The following MARCO variants were observed in gnomAD, a reference collection of about 807,000 sequenced individuals.
MARCO encodes the protein macrophage receptor with collagenous structure.
MARCO carries 72 observed loss-of-function variants against 70.0 expected under a neutral mutation model. The ratio of observed to expected loss-of-function variants is 1.03; its 90% CI spans 0.85 to 1.25. MARCO has a LOEUF of 1.25. Ranked by LOEUF, MARCO falls within the 50% of genes most tolerant of loss-of-function variation. The pLI, the probability that MARCO is intolerant of heterozygous loss-of-function variation, is 0.00. For missense variants in MARCO, 696 were observed against 659.3 expected (o/e 1.06, Z -0.61); for synonymous variants, 273 against 243.1 (o/e 1.12, Z -1.14).
intron 1 of MARCO, among the ~76,000 whole-genome samples, chr2:118,956,480 C>G (rs972181374): frequency 9.7e-6 from 1 of 103,358 alleles, no homozygotes; most frequent in South Asian, 4.3e-4. Context: ...CACTGGAGCT[C>G]TCAAATTTAT....
Position 118,969,182 on chromosome 2 carries a change from TG to T in MARCO, c.124del (p.Val42Ter). The T allele has an allele frequency of 6.2e-7, 1 of 1,613,994 alleles. No individual in the cohort carries two copies. The highest frequency in any genetic ancestry group is 8.5e-7 in the Non-Finnish European group (1 of 1,179,894). On this transcript the variant is annotated frameshift_variant, in exon 2 of 17. Transcript: ENST00000327097. LOFTEE classifies it high-confidence loss of function. ...INVPKPKRRN[G>X]VNFSLAVVVI... ...CAGTTCCAAAGCCCAAGAGGAGAAA[TG>T]GGGTGAACTTCTCCCTAGCTGTGGT...
intron 4 of MARCO, among the ~76,000 whole-genome samples, chr2:118,972,257 C>T (rs1032589349): frequency 1.3e-5 from 2 of 152,226 alleles, no homozygotes; most frequent in South Asian, 2.1e-4. Flanking sequence ...TACACACACG[C>T]TTCACTCACA....
At chr2:118,969,764 C>T (rs1026215539) in intron 2 of MARCO, among the ~76,000 whole-genome samples, 2 of 152,204 alleles carry the variant, frequency 1.3e-5, no homozygotes, top group Non-Finnish European at 2.9e-5. Flanking sequence ...CACACGAATG[C>T]TGCTTGCACA....
intron 1 of MARCO, among the ~76,000 whole-genome samples, chr2:118,955,456 G>A (rs1469704383): frequency 6.6e-6 from 1 of 152,046 alleles, no homozygotes; most frequent in Non-Finnish European, 1.5e-5. Flanking sequence ...TGGAATTATG[G>A]TAAACAACCA....
Position 118,979,823 on chromosome 2 carries a change from G to C in MARCO, c.767-1586G>C, listed in dbSNP as rs550151128. On this transcript the variant is annotated intron_variant, in intron 8 of 16. Coordinates refer to ENST00000327097, the MANE Select transcript of MARCO (RefSeq NM_006770.4). ...TGGCTGGGCTGTGCAAACCAAGAGA[G>C]ACCTGACCCCAATAGTGCTGAGATT... Among the ~76,000 whole-genome samples, 16 of 152,306 alleles carry C rather than the reference G, an allele frequency of 1.1e-4. No homozygotes were observed. In the South Asian group the frequency reaches 1.2e-3, roughly 12 times the overall value.
chr2:118,991,584 C>A (rs1680622117), intron 13 of MARCO, among the ~76,000 whole-genome samples, 193 bp from the exon 14 acceptor site: 1 of 152,252 alleles, frequency 6.6e-6, no homozygotes, highest in African/African-American at 2.4e-5. Context: ...CTGTTCTCGA[C>A]AGCATTTACC....
intron 1 of MARCO, among the ~76,000 whole-genome samples, chr2:118,951,975 C>T (rs966364700): frequency 2.0e-5 from 3 of 152,066 alleles, no homozygotes; most frequent in Admixed American, 1.3e-4. Context: ...CAGTTTCTCT[C>T]TCCTCTCTGC....
intron 1 of MARCO, among the ~76,000 whole-genome samples, chr2:118,948,440 T>C (rs949667721): frequency 3.3e-5 from 5 of 152,164 alleles, no homozygotes; most frequent in Admixed American, 1.3e-4. Context: ...CATTTCCAAA[T>C]AAGGAAGGAG....
intron 1 of MARCO, among the ~76,000 whole-genome samples, chr2:118,963,711 CT>C (rs1679991616): frequency 6.6e-6 from 1 of 151,996 alleles, no homozygotes; most frequent in African/African-American, 2.4e-5. Flanking sequence ...TTGTCTATTT[CT>C]TTTTTCAGTT....
chr2:118,982,302 C>A, intron 11 of MARCO, 46 bp from the exon 12 acceptor site: 3 of 1,612,618 alleles, frequency 1.9e-6, no homozygotes, highest in Non-Finnish European at 2.5e-6. Context: ...TGTGTGAAAA[C>A]CTGCCTAGTC....
intron 4 of MARCO, 98 bp from the exon 5 acceptor site, chr2:118,974,235 T>C (rs1297624678): frequency 2.6e-6 from 2 of 769,442 alleles, no homozygotes; most frequent in East Asian, 5.3e-5. Flanking sequence ...CCATGCTCAG[T>C]GAACGTTTGT....
chr2:118,978,311 T>C (rs958634816), intron 8 of MARCO, among the ~76,000 whole-genome samples: 3 of 152,116 alleles, frequency 2.0e-5, no homozygotes, highest in South Asian at 2.1e-4. Context: ...GAATCCCCCA[T>C]TGACTGAGGG....
chr2:118,942,540 A>G (rs556282740), intron 1 of MARCO, 143 bp downstream of exon 1: 320 of 608,574 alleles, frequency 5.3e-4, no homozygotes, highest in Non-Finnish European at 8.3e-4. Flanking sequence ...TACTGTCTGG[A>G]GTGCTTCAAT....
intron 1 of MARCO, among the ~76,000 whole-genome samples, chr2:118,957,911 T>G (rs955736356): frequency 9.9e-5 from 15 of 151,984 alleles, no homozygotes; most frequent in African/African-American, 2.7e-4. Flanking sequence ...ACATGATCAT[T>G]TCAATAGATG....
intron 1 of MARCO, among the ~76,000 whole-genome samples, chr2:118,956,960 C>T (rs1234565200): frequency 6.6e-6 from 1 of 152,034 alleles, no homozygotes; most frequent in African/African-American, 2.4e-5. Context: ...AATAATGACA[C>T]AACCTATCAA....
chr2:118,944,190 C>A (rs1419870587), intron 1 of MARCO, among the ~76,000 whole-genome samples: 1 of 152,054 alleles, frequency 6.6e-6, no homozygotes, highest in Non-Finnish European at 1.5e-5. Flanking sequence ...GAATTTGAGA[C>A]CAACCTGGGC....
intron 10 of MARCO, 45 bp downstream of exon 10, chr2:118,981,701 C>T (rs1335942768): frequency 2.5e-6 from 4 of 1,570,940 alleles, no homozygotes; most frequent in South Asian, 1.1e-5. Context: ...TACGACTGTC[C>T]CTGGCAGAGT....
At chr2:118,969,981 A>G (rs1300197274) in intron 2 of MARCO, 133 bp from the exon 3 acceptor site, 5 of 751,734 alleles carry the variant, frequency 6.7e-6, no homozygotes, top group African/African-American at 3.4e-5. Context: ...TGCTCACGCT[A>G]GGTCCTGACA....
intron 1 of MARCO, among the ~76,000 whole-genome samples, chr2:118,968,518 G>A (rs554309742): frequency 5.5e-4 from 84 of 152,318 alleles, no homozygotes; most frequent in African/African-American, 1.9e-3. Flanking sequence ...CAGGAGGGAT[G>A]GGAGGAAGAC....
Sources: allele counts gnomAD v4.1 joint callset (sites outside exome capture counted in the v4.1 genomes callset), GRCh38; gene constraint gnomAD v4.1.1; transcripts MANE v1.5; gene names NCBI Gene and HGNC (gene_info 2026-07-23, HGNC 2026-07-21).